Variants in MPDZ observed in about 807,000 individuals in gnomAD.
The protein encoded by MPDZ is multiple PDZ domain crumbs cell polarity complex component.
Under a neutral mutation model 239.1 loss-of-function variants are expected in MPDZ, and 234 were observed. The observed-to-expected ratio is 0.98, with a 90% CI of 0.88 to 1.09. MPDZ has a LOEUF of 1.09. Among genes scored for constraint, MPDZ ranks in the 50% least tolerant of loss-of-function variants. The pLI is 0.00. For synonymous variants in MPDZ, 1,048 were observed against 881.3 expected (o/e 1.19, Z -3.35); for missense variants, 3,175 against 2,510.0 (o/e 1.26, Z -5.66).
At chr9:13,156,188 A>G (rs1288106478) in intron 24 of MPDZ, among the ~76,000 whole-genome samples, 1 of 152,178 alleles carries the variant, frequency 6.6e-6, no homozygotes, top group East Asian at 1.9e-4. Context: ...AAAAGATTCT[A>G]TTATTAACCT....
chr9:13,107,592 C>G (rs61386830), intron 46 of MPDZ, among the ~76,000 whole-genome samples: 1 of 152,142 alleles, frequency 6.6e-6, no homozygotes, highest in African/African-American at 2.4e-5. Flanking sequence ...TGAACATTCC[C>G]TATGGCAGGA....
chr9:13,192,695 A>C (rs1417629280), intron 14 of MPDZ, among the ~76,000 whole-genome samples: 1 of 152,180 alleles, frequency 6.6e-6, no homozygotes, highest in Non-Finnish European at 1.5e-5. Flanking sequence ...TACTTTAAAA[A>C]GTGAGGGAAA....
rs1475801890 is a variant in MPDZ, at chr9:13,111,963, G to A, written c.5724+61C>T. 25 of 1,573,328 alleles carry A rather than the reference G, an allele frequency of 1.6e-5. No individual in the cohort carries two copies. The Admixed American group carries it at 4.0e-4, about 25-fold the overall frequency. On this transcript the variant is annotated intron_variant, in intron 43 of 46. Coordinates refer to ENST00000319217, the MANE Select transcript of MPDZ (RefSeq NM_001378778.1). ...CTTGCAACAGGTAGCCAGGTTCAAAGGTTTATAAAAACACTTCTGCACATT... is the reference window on the plus strand; with the variant it reads ...CTTGCAACAGGTAGCCAGGTTCAAAAGTTTATAAAAACACTTCTGCACATT...
chr9:13,133,797 T>C lies in MPDZ; in HGVS notation c.4464+27A>G, dbSNP rs575103347. ...CACTGAGGTAAAGGAACTCACATCA[T>C]TTCATTCCAATTCAAAGCAGATTTA... On this transcript the variant is annotated intron_variant, in intron 32 of 46. Transcript: ENST00000319217. The C allele has an allele frequency of 4.0e-6, 6 of 1,505,756 alleles. No individual in the cohort carries two copies. The South Asian group carries it at 4.6e-5, about 12-fold the overall frequency. The allele number at this position is 1,505,756 out of a possible 1,614,324, so 93.3% of individuals were successfully genotyped here.
intron 24 of MPDZ, among the ~76,000 whole-genome samples, chr9:13,151,821 G>A (rs1949211740): frequency 6.6e-6 from 1 of 151,780 alleles, no homozygotes; most frequent in African/African-American, 2.4e-5. Flanking sequence ...TTAACACAAT[G>A]GAATAAAATG....
In MPDZ at chr9:13,224,489, A is replaced by T. The variant is rs139373441; in HGVS notation, c.278T>A (p.Phe93Tyr). 1 of 1,612,810 alleles carries T rather than the reference A, an allele frequency of 6.2e-7. No individual in the cohort carries two copies. Among genetic ancestry groups the T allele is most frequent in the Non-Finnish European group, 8.5e-7 (1 of 1,179,200 alleles). The change falls in exon 4 of 47, where the codon TTT becomes TAT. Residue 93 changes from phenylalanine (F) to tyrosine (Y), a missense_variant. Physicochemically the swap from Phe to Tyr is conservative, Grantham distance 22 (BLOSUM62 3). Transcript: ENST00000319217. ...AVIPTLQNESFLLSPNNGNLE... is the reference protein window; with the variant it reads ...AVIPTLQNESYLLSPNNGNLE... ...ATTCCCATTGTTTGGGGATAATAAA[A>T]ACGATTCATTTTGCAGAGTAGGAAT...
At chr9:13,208,656 G>A (rs1227076436) in intron 10 of MPDZ, among the ~76,000 whole-genome samples, 1 of 149,226 alleles carries the variant, frequency 6.7e-6, no homozygotes, top group African/African-American at 2.4e-5. Flanking sequence ...TAATGTCTAA[G>A]TTTATATAGG....
At chr9:13,231,243 C>G (rs1345496802) in intron 3 of MPDZ, among the ~76,000 whole-genome samples, 1 of 151,984 alleles carries the variant, frequency 6.6e-6, no homozygotes, top group Non-Finnish European at 1.5e-5. Context: ...ATGAAATGAA[C>G]AAATTCCTTG....
intron 16 of MPDZ, among the ~76,000 whole-genome samples, chr9:13,189,413 G>C (rs867706007): frequency 6.6e-6 from 1 of 152,042 alleles, no homozygotes; most frequent in Non-Finnish European, 1.5e-5. Flanking sequence ...ACTGAAGGTA[G>C]GACCCATCCT....
At chr9:13,170,914 G>T (rs912442738) in intron 21 of MPDZ, among the ~76,000 whole-genome samples, 1 of 152,112 alleles carries the variant, frequency 6.6e-6, no homozygotes, top group African/African-American at 2.4e-5. Flanking sequence ...CCAGATTTTG[G>T]TTGTAACTTG....
At chr9:13,140,492 T>C (rs994966319) in intron 27 of MPDZ, among the ~76,000 whole-genome samples, 2 of 148,936 alleles carry the variant, frequency 1.3e-5, no homozygotes, top group African/African-American at 4.9e-5. Context: ...TTTCCATATA[T>C]ATCTATGTAT....
intron 24 of MPDZ, among the ~76,000 whole-genome samples, chr9:13,152,206 G>C (rs887981598): frequency 6.6e-6 from 1 of 152,090 alleles, no homozygotes; most frequent in African/African-American, 2.4e-5. Flanking sequence ...GGCAGACCTG[G>C]TCACTAACAG....
Position 13,221,493 on chromosome 9 carries a change from CA to C in MPDZ, c.754del (p.Trp252GlyfsTer10). The C allele has an allele frequency of 1.2e-6, 2 of 1,609,824 alleles. No homozygotes were observed. The highest frequency in any genetic ancestry group is 1.7e-6 in the Non-Finnish European group (2 of 1,177,572). On this transcript the variant is annotated frameshift_variant, in exon 7 of 47. Transcript: ENST00000319217. LOFTEE classifies it high-confidence loss of function. ...TISAHSNPVH[W>X]QHMETIELVN... is the part of the protein sequence containing the mutation. The stretch of plus-strand genomic sequence containing the variant: ...CAATTCAATCGTTTCCATGTGTTGC[CA>C]GTGAACCTACAAACAAAGCTCATAT...
chr9:13,150,713 C>T (rs1949052468), intron 24 of MPDZ, 25 bp from the exon 25 acceptor site: 1 of 1,299,304 alleles, frequency 7.7e-7, no homozygotes, highest in Non-Finnish European at 9.9e-7. Flanking sequence ...AAATTTTCAA[C>T]TCTTAGGAAA....
chr9:13,253,499 T>TAGGC (rs1554725022), intron 1 of MPDZ, among the ~76,000 whole-genome samples: 1 of 152,212 alleles, frequency 6.6e-6, no homozygotes, highest in African/African-American at 2.4e-5. Context: ...ATTTTTTAGA[T>TAGGC]AGAGTCCATT....
rs567401417 is a variant in MPDZ, at chr9:13,150,441, G to A, written c.3630+70C>T. On this transcript the variant is annotated intron_variant, in intron 25 of 46. Transcript: ENST00000319217. ...CCCTAAAACTTAAAGTATAATAATA[G>A]TAAAATTAAAAAATAAATAAATAAA... 114 of 1,246,644 alleles carry A rather than the reference G, an allele frequency of 9.1e-5. 1 individual carries two copies. In the African/African-American group the frequency reaches 1.6e-3, roughly 17 times the overall value. 77.2% of individuals were successfully genotyped at this position (1,246,644 alleles called of 1,614,324 possible).
chr9:13,216,324 C>T (rs1342639972), intron 10 of MPDZ, among the ~76,000 whole-genome samples: 4 of 149,026 alleles, frequency 2.7e-5, no homozygotes, highest in Admixed American at 6.7e-5. Flanking sequence ...CTTATATATC[C>T]TCAGGGCTGA....
chr9:13,133,416 T>C (rs926303496), intron 32 of MPDZ, among the ~76,000 whole-genome samples: 1 of 152,246 alleles, frequency 6.6e-6, no homozygotes, highest in Non-Finnish European at 1.5e-5. Flanking sequence ...CTTCTAAATA[T>C]ATGAGCTTTC....
At chr9:13,256,465 T>G (rs144594446) in intron 1 of MPDZ, among the ~76,000 whole-genome samples, 116 of 152,294 alleles carry the variant, frequency 7.6e-4, no homozygotes, top group African/African-American at 2.7e-3. Flanking sequence ...ACTTAATTAT[T>G]TCTAGCTTTT....
Sources: gnomAD v4.1 joint callset for allele counts (sites outside exome capture counted in the v4.1 genomes callset) on GRCh38, gnomAD v4.1.1 for gene constraint, MANE v1.5 for transcripts, NCBI Gene and HGNC (gene_info 2026-07-23, HGNC 2026-07-21) for gene names.